BRD10: variants seen among roughly 807,000 people sequenced by gnomAD.
The protein encoded by BRD10 is uncharacterized bromodomain-containing protein 10.
chr9:5,905,254 C>A, the BRD10 span, among the ~76,000 whole-genome samples: 3 of 152,180 alleles, frequency 2.0e-5, no homozygotes, highest in Non-Finnish European at 4.4e-5. Flanking sequence ...CTCCAAACAA[C>A]TGAATGGACC....
the BRD10 span, chr9:5,920,402 C>T: frequency 2.5e-6 from 4 of 1,613,976 alleles, no homozygotes; most frequent in Non-Finnish European, 3.4e-6. Context: ...ACTGAACTGA[C>T]TCCCGACTAG....
chr9:6,006,354 C>G, the BRD10 span, among the ~76,000 whole-genome samples: 1 of 152,248 alleles, frequency 6.6e-6, no homozygotes, highest in Non-Finnish European at 1.5e-5. Flanking sequence ...AGTCAAACTA[C>G]TATTCCACTT....
chr9:5,985,065 A>G, the BRD10 span, among the ~76,000 whole-genome samples: 1 of 152,248 alleles, frequency 6.6e-6, no homozygotes, highest in Non-Finnish European at 1.5e-5. Context: ...ATACACCTAT[A>G]GCTAAATGAA....
At chr9:5,949,887 C>G in the BRD10 span, among the ~76,000 whole-genome samples, 17 of 152,014 alleles carry the variant, frequency 1.1e-4, no homozygotes, top group Non-Finnish European at 2.2e-4. Context: ...ACTTTTCAGT[C>G]TAATAGTCTT....
At chr9:5,943,330 T>TA in the BRD10 span, among the ~76,000 whole-genome samples, 6 of 152,128 alleles carry the variant, frequency 3.9e-5, no homozygotes, top group South Asian at 2.1e-4. Flanking sequence ...AACTATGCAT[T>TA]AAAAAATGCT....
At chr9:5,908,969 T>C in the BRD10 span, 2 of 411,430 alleles carry the variant, frequency 4.9e-6, no homozygotes, top group Non-Finnish European at 8.7e-6. Flanking sequence ...GTAATGTTAG[T>C]AAATCCATGG....
chr9:5,988,227 T>C, the BRD10 span: 1 of 686,218 alleles, frequency 1.5e-6, no homozygotes, highest in East Asian at 2.7e-5. Flanking sequence ...TATTTCATTA[T>C]GAATTCATAC....
chr9:5,917,922 C>A, the BRD10 span, among the ~76,000 whole-genome samples: 1 of 152,162 alleles, frequency 6.6e-6, no homozygotes, highest in African/African-American at 2.4e-5. Flanking sequence ...ATAGGTAATT[C>A]AGTAAATTAG....
the BRD10 span, among the ~76,000 whole-genome samples, chr9:5,892,750 G>A: frequency 6.6e-6 from 1 of 152,206 alleles, no homozygotes; most frequent in African/African-American, 2.4e-5. Context: ...CAAACAGGCA[G>A]GAAGATGGGA....
At chr9:5,922,854 T>A in the BRD10 span, 1 of 1,614,006 alleles carries the variant, frequency 6.2e-7, no homozygotes, top group Non-Finnish European at 8.5e-7. Context: ...GCTGGCTTTA[T>A]CGGGCTTGCT....
the BRD10 span, chr9:6,007,249 T>A: frequency 6.2e-7 from 1 of 1,613,916 alleles, no homozygotes. Flanking sequence ...CTGGCCCTGT[T>A]TGGAGATCCA....
the BRD10 span, among the ~76,000 whole-genome samples, chr9:5,939,043 A>G: frequency 1.3e-5 from 2 of 152,148 alleles, no homozygotes; most frequent in Non-Finnish European, 2.9e-5. Flanking sequence ...TACTGAGAAA[A>G]TGGGACATGA....
At chr9:5,935,073 A>G in the BRD10 span, among the ~76,000 whole-genome samples, 1 of 152,190 alleles carries the variant, frequency 6.6e-6, no homozygotes, top group African/African-American at 2.4e-5. Flanking sequence ...AGTCCCTGAA[A>G]AAGTGCTATT....
chr9:5,950,247 GT>G, the BRD10 span, among the ~76,000 whole-genome samples: 1 of 152,062 alleles, frequency 6.6e-6, no homozygotes, highest in African/African-American at 2.4e-5. Context: ...AATAATAGAT[GT>G]TTTTATGCCA....
chr9:5,892,527 G>A, the BRD10 span: 3 of 1,613,470 alleles, frequency 1.9e-6, no homozygotes, highest in East Asian at 2.2e-5. Context: ...AAGGGGCACG[G>A]CCACTCTTAC....
At chr9:5,936,963 C>T in the BRD10 span, among the ~76,000 whole-genome samples, 1 of 152,062 alleles carries the variant, frequency 6.6e-6, no homozygotes. Flanking sequence ...GGTGCGGTGG[C>T]AATCATGCCT....
At chr9:5,927,037 G>A in the BRD10 span, among the ~76,000 whole-genome samples, 1 of 152,080 alleles carries the variant, frequency 6.6e-6, no homozygotes, top group Admixed American at 6.6e-5. Flanking sequence ...ATTAGAATGG[G>A]TTACCAAATG....
the BRD10 span, among the ~76,000 whole-genome samples, chr9:5,963,173 C>T: frequency 1.1e-5 from 1 of 94,888 alleles, no homozygotes; most frequent in East Asian, 2.4e-4. Flanking sequence ...TTGTCTCAGC[C>T]CAAAATCTCC....
At chr9:5,940,910 A>C in the BRD10 span, among the ~76,000 whole-genome samples, 1 of 152,186 alleles carries the variant, frequency 6.6e-6, no homozygotes, top group Non-Finnish European at 1.5e-5. Context: ...TTTAATTATC[A>C]ATATTTATAA....
Sources: allele counts gnomAD v4.1 joint callset (sites outside exome capture counted in the v4.1 genomes callset), GRCh38; gene constraint gnomAD v4.1.1; transcripts MANE v1.5; gene names NCBI Gene and HGNC (gene_info 2026-07-23, HGNC 2026-07-21).